Variants in LYPLAL1 observed in about 807,000 individuals in gnomAD.
The protein encoded by LYPLAL1 is lysophospholipase-like protein 1.
In LYPLAL1, 23 loss-of-function variants were observed where a neutral mutation model predicts 19.7. The observed-to-expected ratio is 1.17, with a 90% CI of 0.84 to 1.65. The LOEUF (loss-of-function observed/expected upper bound fraction) is 1.65, where lower values mean the gene tolerates loss of function less well. Among genes scored for constraint, LYPLAL1 ranks in the 40% most tolerant of loss-of-function variants. LYPLAL1 has a pLI of 0.00. For synonymous variants in LYPLAL1, 119 were observed against 96.3 expected (o/e 1.24, Z -1.38); for missense variants, 355 against 279.4 (o/e 1.27, Z -1.93).
the LYPLAL1 span, among the ~76,000 whole-genome samples, chr1:219,294,066 C>G: frequency 1.3e-5 from 2 of 152,154 alleles, no homozygotes. Flanking sequence ...TTTAGGCTAC[C>G]ATTGAAATGG....
the LYPLAL1 span, among the ~76,000 whole-genome samples, chr1:219,431,814 A>G: frequency 6.6e-6 from 1 of 152,348 alleles, no homozygotes; most frequent in South Asian, 2.1e-4. Context: ...ATAGTGATCA[A>G]TATGGTCAAC....
the LYPLAL1 span, among the ~76,000 whole-genome samples, chr1:219,364,037 T>G: frequency 6.6e-6 from 1 of 152,140 alleles, no homozygotes; most frequent in African/African-American, 2.4e-5. Context: ...GAAGCAGAGA[T>G]AATCTCTTCT....
At chr1:219,437,779 T>C in the LYPLAL1 span, among the ~76,000 whole-genome samples, 1 of 151,700 alleles carries the variant, frequency 6.6e-6, no homozygotes, top group Non-Finnish European at 1.5e-5. Context: ...TATTTTATTT[T>C]ATTTTATGAA....
intron 2 of LYPLAL1, among the ~76,000 whole-genome samples, chr1:219,181,678 A>C (rs2125032454): frequency 6.6e-6 from 1 of 152,266 alleles, no homozygotes; most frequent in East Asian, 1.9e-4. Context: ...CATGGGCGTT[A>C]GATATAGGAA....
the LYPLAL1 span, among the ~76,000 whole-genome samples, chr1:219,352,699 A>G: frequency 1.3e-5 from 2 of 152,014 alleles, no homozygotes; most frequent in African/African-American, 4.8e-5. Flanking sequence ...CCCCAACCCA[A>G]TTTCTGCTGA....
chr1:219,215,980 T>A (rs563624806), downstream of LYPLAL1, among the ~76,000 whole-genome samples: 40 of 152,232 alleles, frequency 2.6e-4, no homozygotes, highest in African/African-American at 8.9e-4. Flanking sequence ...CATTTTCCTT[T>A]TCTATTGCTC....
the LYPLAL1 span, among the ~76,000 whole-genome samples, chr1:219,292,506 G>A: frequency 3.3e-5 from 5 of 152,204 alleles, no homozygotes; most frequent in African/African-American, 1.2e-4. Flanking sequence ...ACCTTCTGCT[G>A]GTGCCCTACC....
At chr1:219,248,478 CCTAT>C in the LYPLAL1 span, among the ~76,000 whole-genome samples, 1 of 152,106 alleles carries the variant, frequency 6.6e-6, no homozygotes, top group Non-Finnish European at 1.5e-5. Flanking sequence ...TCTCTCCTCT[CCTAT>C]CTGATTTTTG....
chr1:219,432,557 G>T, the LYPLAL1 span, among the ~76,000 whole-genome samples: 11 of 152,062 alleles, frequency 7.2e-5, no homozygotes. Context: ...ATGACTAACC[G>T]CAGCCAAGCA....
At chr1:219,364,899 C>G in the LYPLAL1 span, among the ~76,000 whole-genome samples, 1 of 152,128 alleles carries the variant, frequency 6.6e-6, no homozygotes, top group Non-Finnish European at 1.5e-5. Flanking sequence ...ATGATACAAT[C>G]ACCTGATAGG....
At chr1:219,296,511 A>G in the LYPLAL1 span, among the ~76,000 whole-genome samples, 3 of 152,108 alleles carry the variant, frequency 2.0e-5, no homozygotes, top group Non-Finnish European at 2.9e-5. Context: ...CTGCAGAGGG[A>G]ATTATCCATC....
chr1:219,346,146 T>C, the LYPLAL1 span, among the ~76,000 whole-genome samples: 1 of 152,118 alleles, frequency 6.6e-6, no homozygotes, highest in Non-Finnish European at 1.5e-5. Context: ...AAGAAGGCTT[T>C]ATTGGGGTGC....
At chr1:219,247,215 T>C in the LYPLAL1 span, among the ~76,000 whole-genome samples, 41 of 152,214 alleles carry the variant, frequency 2.7e-4, no homozygotes, top group Non-Finnish European at 4.7e-4. Flanking sequence ...TTCTAGTACA[T>C]TATAGTCAAT....
At chr1:219,190,611 C>A (rs1231702857) in intron 2 of LYPLAL1, among the ~76,000 whole-genome samples, 4 of 57,608 alleles carry the variant, frequency 6.9e-5, no homozygotes, top group South Asian at 1.2e-3. Flanking sequence ...AATGTAGAGT[C>A]TTTTGTCCAG....
chr1:219,382,449 T>A, the LYPLAL1 span, among the ~76,000 whole-genome samples: 2 of 152,180 alleles, frequency 1.3e-5, no homozygotes, highest in Non-Finnish European at 2.9e-5. Context: ...AAGCTCCACC[T>A]CCCGGGGTCA....
At chr1:219,376,916 G>C in the LYPLAL1 span, among the ~76,000 whole-genome samples, 2 of 152,166 alleles carry the variant, frequency 1.3e-5, no homozygotes, top group East Asian at 1.9e-4. Flanking sequence ...ATGGAAAACA[G>C]TATGGTGGTT....
the LYPLAL1 span, among the ~76,000 whole-genome samples, chr1:219,377,625 C>G: frequency 6.6e-6 from 1 of 152,088 alleles, no homozygotes; most frequent in Admixed American, 6.5e-5. Context: ...ATTGCCTCTT[C>G]TTTAATTAGT....
chr1:219,406,932 C>T, the LYPLAL1 span, among the ~76,000 whole-genome samples: 1 of 152,126 alleles, frequency 6.6e-6, no homozygotes, highest in Non-Finnish European at 1.5e-5. Flanking sequence ...TCAAAGAGTA[C>T]CTCAAATATA....
At chr1:219,291,118 A>G in the LYPLAL1 span, among the ~76,000 whole-genome samples, 4 of 152,218 alleles carry the variant, frequency 2.6e-5, no homozygotes, top group African/African-American at 9.6e-5. Context: ...AACACTTGGT[A>G]TATAGCAAGT....
Sources: gnomAD v4.1 joint callset for allele counts (sites outside exome capture counted in the v4.1 genomes callset) on GRCh38, gnomAD v4.1.1 for gene constraint, MANE v1.5 for transcripts, NCBI Gene and HGNC (gene_info 2026-07-23, HGNC 2026-07-21) for gene names.